Variants in NAV3 observed in about 807,000 individuals in gnomAD.
NAV3 encodes neuron navigator 3.
A neutral mutation model predicts 244.7 loss-of-function variants in NAV3; 87 were observed. The ratio of observed to expected loss-of-function variants is 0.36; its 90% CI spans 0.30 to 0.42. The LOEUF (loss-of-function observed/expected upper bound fraction) is 0.42, where lower values mean the gene tolerates loss of function less well. Among genes scored for constraint, NAV3 ranks in the 20% least tolerant of loss-of-function variants. The pLI is 1.00. For missense variants in NAV3, 2,663 were observed against 2,893.3 expected (o/e 0.92, Z 1.83); for synonymous variants, 1,126 against 1,042.2 (o/e 1.08, Z -1.55).
intron 1 of NAV3, among the ~76,000 whole-genome samples, chr12:77,841,645 C>T (rs1217772996): frequency 6.6e-6 from 1 of 152,154 alleles, no homozygotes; most frequent in Non-Finnish European, 1.5e-5. Flanking sequence ...TTATGCATTT[C>T]CTGTGGCTGC....
chr12:78,007,748 A>G (rs1047700520), intron 8 of NAV3, among the ~76,000 whole-genome samples: 1 of 152,200 alleles, frequency 6.6e-6, no homozygotes, highest in African/African-American at 2.4e-5. Flanking sequence ...GTTTATTCAT[A>G]TTATTGCTAC....
intron 2 of NAV3, among the ~76,000 whole-genome samples, chr12:77,616,353 C>G (rs929989067): frequency 6.6e-6 from 1 of 151,944 alleles, no homozygotes; most frequent in Non-Finnish European, 1.5e-5. Flanking sequence ...TTGCAGTGAG[C>G]CGAGATCACA....
chr12:77,648,147 A>G (rs1872679941), intron 2 of NAV3, among the ~76,000 whole-genome samples: 1 of 152,162 alleles, frequency 6.6e-6, no homozygotes, highest in Non-Finnish European at 1.5e-5. Flanking sequence ...AACTTTGTCC[A>G]GTAAAAGTAA....
intron 2 of NAV3, among the ~76,000 whole-genome samples, chr12:77,718,277 A>C (rs1185456715): frequency 6.6e-6 from 1 of 151,994 alleles, no homozygotes; most frequent in African/African-American, 2.4e-5. Context: ...CTCAAATTTT[A>C]TTTTTTTGCA....
chr12:77,686,274 G>T (rs1047621431), intron 2 of NAV3, among the ~76,000 whole-genome samples: 1 of 151,974 alleles, frequency 6.6e-6, no homozygotes, highest in Non-Finnish European at 1.5e-5. Flanking sequence ...CGTATTTTTG[G>T]TAGAGACGGG....
At chr12:78,071,900 T>A (rs1282413107) in intron 12 of NAV3, among the ~76,000 whole-genome samples, 1 of 152,114 alleles carries the variant, frequency 6.6e-6, no homozygotes, top group Non-Finnish European at 1.5e-5. Flanking sequence ...ACCGCTCAAC[T>A]ACATGGAAAC....
intron 1 of NAV3, among the ~76,000 whole-genome samples, chr12:77,838,651 A>G (rs765831643): frequency 4.6e-5 from 7 of 152,186 alleles, no homozygotes; most frequent in Non-Finnish European, 7.4e-5. Flanking sequence ...AAGCCAATAG[A>G]TATGTCATTA....
intron 1 of NAV3, among the ~76,000 whole-genome samples, chr12:77,858,017 T>C (rs569805364): frequency 6.6e-6 from 1 of 152,080 alleles, no homozygotes; most frequent in Admixed American, 6.6e-5. Context: ...AAAAATATAC[T>C]TTTTGCATTT....
intron 2 of NAV3, among the ~76,000 whole-genome samples, chr12:77,794,919 T>C (rs915167293): frequency 6.6e-6 from 1 of 152,158 alleles, no homozygotes; most frequent in African/African-American, 2.4e-5. Context: ...TCTGTCCCTC[T>C]CCCTGGGCCT....
At chr12:77,766,735 G>GTTTTTTTTTTTT (rs748531378) in intron 2 of NAV3, among the ~76,000 whole-genome samples, 18 of 60,514 alleles carry the variant, frequency 3.0e-4, no homozygotes, top group East Asian at 5.0e-4. Flanking sequence ...AGGCAATTAA[G>GTTTTTTTTTTTT]TTTTTTTTTT....
chr12:77,975,190 C>A (rs937999595), intron 5 of NAV3, among the ~76,000 whole-genome samples: 4 of 152,078 alleles, frequency 2.6e-5, no homozygotes, highest in Admixed American at 1.3e-4. Flanking sequence ...AATGCTCCTA[C>A]CACTAGTTTC....
At chr12:78,107,608 G>GA (rs372190862) in intron 12 of NAV3, among the ~76,000 whole-genome samples, 427 of 147,184 alleles carry the variant, frequency 2.9e-3, no homozygotes, top group African/African-American at 9.2e-3. Context: ...AGTGCTTAAA[G>GA]AAAAAAAAAA....
At chr12:77,944,226 A>G (rs1392508982) in intron 3 of NAV3, among the ~76,000 whole-genome samples, 1 of 152,090 alleles carries the variant, frequency 6.6e-6, no homozygotes, top group Non-Finnish European at 1.5e-5. Context: ...CAAAGTAAGG[A>G]GTTGGTATGG....
intron 2 of NAV3, among the ~76,000 whole-genome samples, chr12:77,709,339 C>T (rs902946596): frequency 5.3e-5 from 8 of 152,118 alleles, no homozygotes; most frequent in Non-Finnish European, 1.0e-4. Flanking sequence ...AACCCACAGC[C>T]AATATCATAC....
chr12:77,853,327 G>A (rs1877842354), intron 1 of NAV3, among the ~76,000 whole-genome samples: 1 of 152,192 alleles, frequency 6.6e-6, no homozygotes, highest in East Asian at 1.9e-4. Flanking sequence ...TAAGTAGTGA[G>A]CCTCTTTCCT....
Position 78,122,244 on chromosome 12 carries a change from A to G in NAV3, c.4054A>G (p.Ser1352Gly), listed in dbSNP as rs1400153359. The change falls in exon 16 of 40, where the codon AGT becomes GGT. Residue 1352 changes from serine (S) to glycine (G), a missense_variant. Physicochemically the swap from Ser to Gly is moderately conservative, Grantham distance 56. This residue lies in a region of NAV3 where 354 missense variants were observed against 413.0 expected (regional missense o/e 0.86). Coordinates refer to ENST00000397909, the MANE Select transcript of NAV3 (RefSeq NM_001024383.2). ...GGLVWAANMS[S>G]SSAGSKDTPS... is the part of the protein sequence containing the mutation. ...TCTCGTGTGGGCTGCCAATATGAGC[A>G]GTTCCTCTGCAGGCAGCAAGGATAC... is the stretch of plus-strand genomic sequence containing the variant. The G allele has an allele frequency of 1.2e-6, 2 of 1,614,130 alleles. No homozygotes were observed. The highest frequency in any genetic ancestry group is 2.2e-5 in the East Asian group (1 of 44,856).
chr12:77,991,542 A>G (rs1267058990), intron 5 of NAV3, among the ~76,000 whole-genome samples: 2 of 152,220 alleles, frequency 1.3e-5, no homozygotes, highest in Non-Finnish European at 2.9e-5. Flanking sequence ...AAAATGTTGC[A>G]TAGACTTGGT....
chr12:78,116,909 G>A lies in NAV3; in HGVS notation c.2769+5G>A, dbSNP rs2138521791. ...CCCTCTAGGAAGAATACTCAGGTGAGAATTACCACCTTTCTTTTTCCAGTG... is the reference window on the plus strand; with the variant it reads ...CCCTCTAGGAAGAATACTCAGGTGAAAATTACCACCTTTCTTTTTCCAGTG... On this transcript the variant is annotated splice_donor_5th_base_variant and intron_variant, in intron 13 of 39. Coordinates refer to ENST00000397909, the MANE Select transcript of NAV3 (RefSeq NM_001024383.2). 1.2e-6 allele frequency: 2 copies of A among 1,607,980 alleles called. No homozygotes were observed. The highest frequency in any genetic ancestry group is 1.7e-6 in the Non-Finnish European group (2 of 1,176,446).
intron 3 of NAV3, among the ~76,000 whole-genome samples, chr12:77,962,899 C>A (rs1242867273): frequency 6.6e-6 from 1 of 152,020 alleles, no homozygotes; most frequent in Admixed American, 6.6e-5. Flanking sequence ...TTGTGCTATT[C>A]AATTTATTTC....
Sources: gnomAD v4.1 joint callset for allele counts (sites outside exome capture counted in the v4.1 genomes callset) on GRCh38, gnomAD v4.1.1 for gene constraint, gnomAD v4.1.1 regional missense constraint, MANE v1.5 for transcripts, NCBI Gene and HGNC (gene_info 2026-07-23, HGNC 2026-07-21) for gene names.